CTNND2: variants seen among roughly 807,000 people sequenced by gnomAD.
CTNND2 encodes the protein catenin delta 2.
A neutral mutation model predicts 144.4 loss-of-function variants in CTNND2; 22 were observed. The ratio of observed to expected loss-of-function variants is 0.15; its 90% CI spans 0.11 to 0.22. The LOEUF (loss-of-function observed/expected upper bound fraction) is 0.22, where lower values mean the gene tolerates loss of function less well. CTNND2 is among the 10% of genes least tolerant of loss of function. CTNND2 has a pLI of 1.00. For synonymous variants in CTNND2, 751 were observed against 695.6 expected, an observed-to-expected ratio of 1.08 and a Z score of -1.25; for missense variants, 1,353 against 1,618.8, an observed-to-expected ratio of 0.84 and a Z score of 2.82.
chr5:11,691,653 C>G (rs1784914898), intron 2 of CTNND2, among the ~76,000 whole-genome samples: 1 of 152,104 alleles, frequency 6.6e-6, no homozygotes, highest in Admixed American at 6.5e-5. Context: ...CCTGTAATCT[C>G]TGTTACTTTG....
intron 10 of CTNND2, among the ~76,000 whole-genome samples, chr5:11,203,627 G>A (rs777050248): frequency 3.3e-5 from 5 of 152,036 alleles, no homozygotes; most frequent in African/African-American, 4.8e-5. Flanking sequence ...TATCCGCCTC[G>A]GTCTCCCAAA....
intron 3 of CTNND2, among the ~76,000 whole-genome samples, chr5:11,439,160 T>C (rs1012716420): frequency 2.0e-5 from 3 of 152,246 alleles, no homozygotes; most frequent in Middle Eastern, 3.4e-3. Context: ...CATGGATGCA[T>C]GGGTTTCTCA....
intron 3 of CTNND2, among the ~76,000 whole-genome samples, chr5:11,521,937 A>G (rs1772762220): frequency 6.6e-6 from 1 of 152,166 alleles, no homozygotes; most frequent in African/African-American, 2.4e-5. Flanking sequence ...CTGATAACTG[A>G]TTACATATTT....
At chr5:11,134,835 C>T (rs1296532303) in intron 12 of CTNND2, among the ~76,000 whole-genome samples, 3 of 152,140 alleles carry the variant, frequency 2.0e-5, no homozygotes, top group African/African-American at 4.8e-5. Context: ...ACTGGGTGCA[C>T]AATTTCCTTT....
At chr5:11,451,180 T>C (rs1309539044) in intron 3 of CTNND2, among the ~76,000 whole-genome samples, 1 of 152,122 alleles carries the variant, frequency 6.6e-6, no homozygotes, top group Non-Finnish European at 1.5e-5. Context: ...TTTTCATGTG[T>C]GTATTGTTGG....
intron 1 of CTNND2, among the ~76,000 whole-genome samples, chr5:11,780,612 A>G (rs545513337): frequency 2.6e-5 from 4 of 152,036 alleles, no homozygotes; most frequent in African/African-American, 9.7e-5. Flanking sequence ...GAATCCAGGG[A>G]CCCCCATTCC....
intron 12 of CTNND2, among the ~76,000 whole-genome samples, chr5:11,128,973 A>T (rs1263174196): frequency 1.1e-4 from 5 of 44,646 alleles, no homozygotes; most frequent in East Asian, 5.1e-4. Context: ...ATAATATATA[A>T]TATATAAATA....
chr5:11,687,088 G>A (rs1008723407), intron 2 of CTNND2, among the ~76,000 whole-genome samples: 3 of 151,888 alleles, frequency 2.0e-5, no homozygotes, highest in African/African-American at 4.8e-5. Flanking sequence ...AATTCACCTG[G>A]TTAAGTTCTT....
intron 2 of CTNND2, among the ~76,000 whole-genome samples, chr5:11,721,383 T>A (rs1260151904): frequency 6.6e-6 from 1 of 151,906 alleles, no homozygotes; most frequent in Admixed American, 6.6e-5. Flanking sequence ...TGTTTTTTTT[T>A]AAATTCACCC....
chr5:11,604,297 T>A (rs1192542053), intron 2 of CTNND2, among the ~76,000 whole-genome samples: 1 of 152,186 alleles, frequency 6.6e-6, no homozygotes, highest in Non-Finnish European at 1.5e-5. Flanking sequence ...CATGAAAAAT[T>A]TACAAACTCT....
At chr5:11,481,146 A>G (rs757195411) in intron 3 of CTNND2, among the ~76,000 whole-genome samples, 8 of 152,218 alleles carry the variant, frequency 5.3e-5, no homozygotes, top group South Asian at 4.1e-4. Context: ...TAAGTGACAT[A>G]ATAACAAAAA....
intron 3 of CTNND2, among the ~76,000 whole-genome samples, chr5:11,444,393 A>G (rs1764617234): frequency 6.6e-6 from 1 of 152,180 alleles, no homozygotes; most frequent in Admixed American, 6.5e-5. Flanking sequence ...TAGAGAAAGA[A>G]ATTCTCTAAA....
In CTNND2 at chr5:11,433,163, G is replaced by A. The variant is rs1034911548; in HGVS notation, c.288-21094C>T. On this transcript the variant is annotated intron_variant, in intron 3 of 21. Transcript: ENST00000304623. The stretch of plus-strand genomic sequence containing the variant: ...TGGGAGGCTGAGGCAGGAGAATGGC[G>A]TGAACCCGGGAGACAGAGCTTGCAG... Among the ~76,000 whole-genome samples the A allele has an allele frequency of 5.3e-5, 8 of 151,706 alleles. No individual in the cohort carries two copies. In the East Asian group the frequency reaches 1.2e-3, roughly 22 times the overall value.
chr5:11,194,322 T>C (rs1736637702), intron 11 of CTNND2, among the ~76,000 whole-genome samples: 1 of 152,044 alleles, frequency 6.6e-6, no homozygotes, highest in Middle Eastern at 3.2e-3. Flanking sequence ...CACCTCTCAT[T>C]CTCCACTTTC....
At chr5:11,019,201 A>G (rs1377160516) in intron 17 of CTNND2, among the ~76,000 whole-genome samples, 3 of 151,966 alleles carry the variant, frequency 2.0e-5, no homozygotes, top group Non-Finnish European at 4.4e-5. Context: ...CAATATCTCT[A>G]AGGTATGCCT....
At chr5:11,008,419 C>T (rs894086647) in intron 18 of CTNND2, among the ~76,000 whole-genome samples, 3 of 152,220 alleles carry the variant, frequency 2.0e-5, no homozygotes, top group Non-Finnish European at 4.4e-5. Context: ...TTCAAAGATG[C>T]GGTACTGCTG....
At chr5:11,294,093 G>C (rs1748639441) in intron 9 of CTNND2, among the ~76,000 whole-genome samples, 1 of 150,950 alleles carries the variant, frequency 6.6e-6, no homozygotes, top group African/African-American at 2.4e-5. Flanking sequence ...GAAGCTGCAG[G>C]AGCACTGGTG....
At chr5:11,150,076 G>A (rs555035990) in intron 12 of CTNND2, among the ~76,000 whole-genome samples, 3 of 152,128 alleles carry the variant, frequency 2.0e-5, no homozygotes, top group African/African-American at 4.8e-5. Context: ...GGGGCCCCAC[G>A]GGGCTGTGCA....
chr5:11,875,636 G>A (rs1235957384), intron 1 of CTNND2, among the ~76,000 whole-genome samples: 3 of 152,160 alleles, frequency 2.0e-5, no homozygotes, highest in Admixed American at 1.3e-4. Flanking sequence ...TCTGCCATGT[G>A]AGGGCACAGC....
Sources: allele counts gnomAD v4.1 joint callset (sites outside exome capture counted in the v4.1 genomes callset), GRCh38; gene constraint gnomAD v4.1.1; transcripts MANE v1.5; gene names NCBI Gene and HGNC (gene_info 2026-07-23, HGNC 2026-07-21).